Variants in CPNE4 observed in about 807,000 individuals in gnomAD.
CPNE4 encodes the protein copine-4.
Under a neutral mutation model 67.9 loss-of-function variants are expected in CPNE4, and 25 were observed. The observed-to-expected ratio is 0.37, with a 90% CI of 0.27 to 0.51. The LOEUF is 0.51. CPNE4 is among the 20% of genes least tolerant of loss of function. CPNE4 has a pLI of 0.93. For synonymous variants in CPNE4, 242 were observed against 244.9 expected (o/e 0.99, Z 0.11); for missense variants, 464 against 690.8 (o/e 0.67, Z 3.68).
At chr3:131,905,524 C>G in intron 1 of CPNE4, 80 bp from the exon 2 acceptor site, 1 of 1,306,108 alleles carries the variant, frequency 7.7e-7, no homozygotes, top group Admixed American at 2.6e-5. Context: ...TCCCAATCAC[C>G]CTTCAGAAAA....
intron 1 of CPNE4, among the ~76,000 whole-genome samples, chr3:131,976,237 G>T (rs576180129): frequency 6.6e-6 from 1 of 151,968 alleles, no homozygotes; most frequent in Admixed American, 6.6e-5. Context: ...TGGGCTAGGA[G>T]TGAGACTTAC....
chr3:131,588,861 A>G (rs1938354487), intron 7 of CPNE4, among the ~76,000 whole-genome samples: 1 of 152,024 alleles, frequency 6.6e-6, no homozygotes, highest in South Asian at 2.1e-4. Context: ...GCTCCTTCTC[A>G]TCTGCATTAC....
At chr3:131,832,318 C>G (rs1230168949) in intron 2 of CPNE4, among the ~76,000 whole-genome samples, 1 of 152,162 alleles carries the variant, frequency 6.6e-6, no homozygotes, top group Non-Finnish European at 1.5e-5. Context: ...AATTAGTGCT[C>G]TATTCTTCAA....
chr3:131,688,005 G>A (rs1240726185), intron 5 of CPNE4, among the ~76,000 whole-genome samples: 1 of 152,174 alleles, frequency 6.6e-6, no homozygotes, highest in African/African-American at 2.4e-5. Context: ...TGGCAAAGTT[G>A]GCCCCATGAT....
chr3:131,974,766 G>C (rs190072436), intron 1 of CPNE4, among the ~76,000 whole-genome samples: 1 of 152,276 alleles, frequency 6.6e-6, no homozygotes, highest in East Asian at 1.9e-4. Flanking sequence ...CTAGCACTTT[G>C]GGAGGCTAAG....
At chr3:131,921,460 C>T (rs1315152991) in intron 1 of CPNE4, among the ~76,000 whole-genome samples, 1 of 152,174 alleles carries the variant, frequency 6.6e-6, no homozygotes, top group Non-Finnish European at 1.5e-5. Flanking sequence ...TCTGAAATAA[C>T]AAAACGTGGT....
intron 7 of CPNE4, among the ~76,000 whole-genome samples, chr3:131,626,267 G>A (rs1468384369): frequency 6.6e-6 from 1 of 152,194 alleles, no homozygotes; most frequent in Non-Finnish European, 1.5e-5. Context: ...GGGAAGGCAA[G>A]TCAAAAGCCT....
At chr3:131,941,002 A>G (rs2071368868) in intron 1 of CPNE4, among the ~76,000 whole-genome samples, 1 of 152,100 alleles carries the variant, frequency 6.6e-6, no homozygotes, top group Non-Finnish European at 1.5e-5. Flanking sequence ...AACACGAAAT[A>G]AGAGGAAACA....
chr3:131,819,523 C>T (rs1043677361), intron 2 of CPNE4, among the ~76,000 whole-genome samples: 7 of 151,424 alleles, frequency 4.6e-5, no homozygotes, highest in South Asian at 4.2e-4. Context: ...CACACACACA[C>T]GCACAGTTTC....
intron 8 of CPNE4, among the ~76,000 whole-genome samples, chr3:131,586,795 T>C (rs950039607): frequency 1.3e-5 from 2 of 152,236 alleles, no homozygotes; most frequent in South Asian, 4.1e-4. Context: ...GATATGAAAG[T>C]GTGTGTATCT....
At chr3:131,552,993 G>GATTTTCAC (rs1198295322) in intron 12 of CPNE4, among the ~76,000 whole-genome samples, 3 of 152,084 alleles carry the variant, frequency 2.0e-5, no homozygotes, top group Admixed American at 1.3e-4. Context: ...AGGGCAGGAG[G>GATTTTCAC]ATTTTCACAT....
chr3:131,893,151 T>C (rs2107745948), intron 2 of CPNE4, among the ~76,000 whole-genome samples: 1 of 152,060 alleles, frequency 6.6e-6, no homozygotes, highest in South Asian at 2.1e-4. Flanking sequence ...AGATATTCCA[T>C]GCAGACAGAG....
chr3:131,736,611 CAAAAAAA>C (rs71136406), intron 2 of CPNE4, among the ~76,000 whole-genome samples: 1 of 82,164 alleles, frequency 1.2e-5, no homozygotes, highest in Non-Finnish European at 2.3e-5. Flanking sequence ...AAGACTGTCT[CAAAAAAA>C]AAAAAAAAAA....
At chr3:131,603,828 C>T (rs1437265018) in intron 7 of CPNE4, among the ~76,000 whole-genome samples, 1 of 152,098 alleles carries the variant, frequency 6.6e-6, no homozygotes, top group Non-Finnish European at 1.5e-5. Flanking sequence ...CTGCATAGTC[C>T]TCAGTTGAAG....
At chr3:131,947,223 TC>T (rs969332814) in intron 1 of CPNE4, among the ~76,000 whole-genome samples, 31 of 150,624 alleles carry the variant, frequency 2.1e-4, no homozygotes, top group Admixed American at 1.8e-3. Flanking sequence ...TGTTTTGTTT[TC>T]CCCTTTTTTT....
At chr3:131,670,161 G>T (rs2080371907) in intron 6 of CPNE4, among the ~76,000 whole-genome samples, 1 of 152,146 alleles carries the variant, frequency 6.6e-6, no homozygotes, top group Non-Finnish European at 1.5e-5. Flanking sequence ...GTCAGCAAAG[G>T]TAAAGACTCT....
chr3:131,616,915 T>C (rs1000950180), intron 7 of CPNE4, among the ~76,000 whole-genome samples: 5 of 152,162 alleles, frequency 3.3e-5, no homozygotes, highest in African/African-American at 7.2e-5. Flanking sequence ...CTGTAAGGCT[T>C]TGGCCAAATG....
At chr3:131,572,616 C>T (rs1937394791) in intron 10 of CPNE4, among the ~76,000 whole-genome samples, 1 of 151,908 alleles carries the variant, frequency 6.6e-6, no homozygotes, top group Non-Finnish European at 1.5e-5. Context: ...TGGAAAGTGG[C>T]TCTAGGGGAG....
At chr3:132,001,553 G>GA (rs1467276159) in intron 1 of CPNE4, among the ~76,000 whole-genome samples, 1 of 101,790 alleles carries the variant, frequency 9.8e-6, no homozygotes, top group Non-Finnish European at 2.0e-5. Context: ...AAAGAAAAAA[G>GA]AGAAAGAAAG....
Sources: allele counts gnomAD v4.1 joint callset (sites outside exome capture counted in the v4.1 genomes callset), GRCh38; gene constraint gnomAD v4.1.1; transcripts MANE v1.5; gene names NCBI Gene and HGNC (gene_info 2026-07-23, HGNC 2026-07-21).